DLG2: variants seen among roughly 807,000 people sequenced by gnomAD.
DLG2 encodes the protein discs large MAGUK scaffold protein 2.
DLG2 carries 45 observed loss-of-function variants against 132.5 expected under a neutral mutation model. The observed-to-expected ratio is 0.34, with a 90% CI of 0.27 to 0.44. The LOEUF (loss-of-function observed/expected upper bound fraction) is 0.44, where lower values mean the gene tolerates loss of function less well. Ranked by LOEUF, DLG2 falls within the 20% of genes least tolerant of loss-of-function variation. The pLI, the probability that DLG2 is intolerant of heterozygous loss-of-function variation, is 1.00. For missense variants in DLG2, 1,045 were observed against 1,196.9 expected, an observed-to-expected ratio of 0.87 and a Z score of 1.87; for synonymous variants, 424 against 419.6, an observed-to-expected ratio of 1.01 and a Z score of -0.13.
chr11:84,424,272 A>T (rs114945242), intron 7 of DLG2, among the ~76,000 whole-genome samples: 1 of 152,220 alleles, frequency 6.6e-6, no homozygotes, highest in African/African-American at 2.4e-5. Context: ...GTGCTTGCCC[A>T]TCCATGCTGA....
At chr11:84,740,378 T>C (rs1324474012) in intron 6 of DLG2, among the ~76,000 whole-genome samples, 1 of 152,120 alleles carries the variant, frequency 6.6e-6, no homozygotes, top group Non-Finnish European at 1.5e-5. Flanking sequence ...CAATCCTTAC[T>C]ACAGAAGAAC....
intron 6 of DLG2, among the ~76,000 whole-genome samples, chr11:85,060,411 ATG>A (rs1478336271): frequency 1.3e-5 from 2 of 150,428 alleles, no homozygotes; most frequent in South Asian, 4.2e-4. Flanking sequence ...AACATTATAT[ATG>A]TGTGTGTATA....
chr11:84,804,101 T>C (rs1179615040), intron 6 of DLG2, among the ~76,000 whole-genome samples: 8 of 152,224 alleles, frequency 5.3e-5, no homozygotes, highest in Non-Finnish European at 1.2e-4. Context: ...ATACAGTGGT[T>C]CACACACAGT....
intron 7 of DLG2, among the ~76,000 whole-genome samples, chr11:84,415,001 G>A (rs1052883875): frequency 6.6e-6 from 1 of 152,102 alleles, no homozygotes; most frequent in Non-Finnish European, 1.5e-5. Flanking sequence ...AAATGTGAAG[G>A]TCGTTCTCCA....
chr11:83,632,956 A>C, intron 19 of DLG2: 1 of 447,294 alleles, frequency 2.2e-6, no homozygotes, highest in Non-Finnish European at 4.0e-6. Flanking sequence ...TTTTTATTGC[A>C]ACCTATGCTG....
intron 6 of DLG2, among the ~76,000 whole-genome samples, chr11:84,656,145 G>A (rs569309956): frequency 6.6e-6 from 1 of 152,306 alleles, no homozygotes; most frequent in African/African-American, 2.4e-5. Flanking sequence ...TCCTGCTAGA[G>A]AGAGGACTGT....
At chr11:85,448,423 C>T (rs1169461193) in intron 3 of DLG2, among the ~76,000 whole-genome samples, 2 of 152,010 alleles carry the variant, frequency 1.3e-5, no homozygotes, top group African/African-American at 4.8e-5. Context: ...AAAAATCTGC[C>T]CTGACATTCA....
At position 83,596,898 on chromosome 11, in the gene DLG2, A is replaced by C. The variant is rs918022748; in HGVS notation, c.1940+36313T>G. ...TACATTCTGAGAATCGACCTAATCTAAAATTAATTGTTCTCCTCTCTCAGT... is the reference window on the plus strand; with the variant it reads ...TACATTCTGAGAATCGACCTAATCTCAAATTAATTGTTCTCCTCTCTCAGT... On this transcript the variant is annotated intron_variant, in intron 19 of 27. Coordinates refer to ENST00000376104, the MANE Select transcript of DLG2 (RefSeq NM_001142699.3). Among the ~76,000 whole-genome samples, 6 of 152,118 alleles carry C rather than the reference A, an allele frequency of 3.9e-5. No homozygotes were observed. In the East Asian group the frequency reaches 1.2e-3, roughly 29 times the overall value.
intron 6 of DLG2, among the ~76,000 whole-genome samples, chr11:84,643,405 G>A (rs1308821110): frequency 6.6e-6 from 1 of 152,180 alleles, no homozygotes; most frequent in African/African-American, 2.4e-5. Flanking sequence ...ATGGGATGTA[G>A]AATCTGATGA....
chr11:83,970,624 G>C (rs1006761013), intron 12 of DLG2, among the ~76,000 whole-genome samples: 2 of 152,180 alleles, frequency 1.3e-5, no homozygotes, highest in Non-Finnish European at 2.9e-5. Flanking sequence ...GGGGAGACTT[G>C]TTTAACCTTG....
intron 6 of DLG2, among the ~76,000 whole-genome samples, chr11:84,740,092 G>A (rs569819573): frequency 6.6e-6 from 1 of 151,828 alleles, no homozygotes; most frequent in Non-Finnish European, 1.5e-5. Flanking sequence ...GCATCCACTA[G>A]ATAAAAGAAG....
chr11:83,775,270 T>C (rs1307662030), intron 18 of DLG2, among the ~76,000 whole-genome samples: 2 of 152,226 alleles, frequency 1.3e-5, no homozygotes, highest in African/African-American at 4.8e-5. Flanking sequence ...ATTTTATTTG[T>C]TTCCTCTTCA....
At chr11:84,725,123 T>C (rs766495602) in intron 6 of DLG2, among the ~76,000 whole-genome samples, 26 of 152,090 alleles carry the variant, frequency 1.7e-4, no homozygotes, top group Non-Finnish European at 3.1e-4. Context: ...CTTATTCGAG[T>C]GACAGAATTG....
intron 3 of DLG2, among the ~76,000 whole-genome samples, chr11:85,351,517 T>G (rs2083284842): frequency 6.6e-6 from 1 of 152,216 alleles, no homozygotes; most frequent in Admixed American, 6.5e-5. Flanking sequence ...TTCCAGTTTT[T>G]GCCCATTCAG....
At chr11:85,341,295 T>G (rs575631641) in intron 3 of DLG2, among the ~76,000 whole-genome samples, 1 of 152,122 alleles carries the variant, frequency 6.6e-6, no homozygotes, top group Non-Finnish European at 1.5e-5. Context: ...ATTTTTTTTG[T>G]ATTTTTAGTA....
At chr11:84,619,147 T>C (rs371586700) in intron 6 of DLG2, among the ~76,000 whole-genome samples, 76 of 151,986 alleles carry the variant, frequency 5.0e-4, no homozygotes, top group Non-Finnish European at 9.3e-4. Flanking sequence ...TAGATTAAAA[T>C]GAATTTCAGA....
At chr11:83,820,001 GAATTCATTGAGTTATATTTTA>G in intron 17 of DLG2, among the ~76,000 whole-genome samples, 1 of 152,176 alleles carries the variant, frequency 6.6e-6, no homozygotes. Context: ...AATTCCACTT[GAATTCATTGAGTTATATTTTA>G]AAAAGCTATC....
At chr11:85,475,378 TAATATAACCTTGAAACCA>T (rs1275290651) in intron 3 of DLG2, among the ~76,000 whole-genome samples, 3 of 152,008 alleles carry the variant, frequency 2.0e-5, no homozygotes, top group Non-Finnish European at 4.4e-5. Context: ...TGTATTATCC[TAATATAACCTTGAAACCA>T]AAATCAACCA....
chr11:85,602,825 T>C (rs2080261415), intron 2 of DLG2, among the ~76,000 whole-genome samples: 1 of 152,208 alleles, frequency 6.6e-6, no homozygotes, highest in Non-Finnish European at 1.5e-5. Context: ...ATGGCCTCTA[T>C]ACTTGTGATT....
Sources: gnomAD v4.1 joint callset for allele counts (sites outside exome capture counted in the v4.1 genomes callset) on GRCh38, gnomAD v4.1.1 for gene constraint, MANE v1.5 for transcripts, NCBI Gene and HGNC (gene_info 2026-07-23, HGNC 2026-07-21) for gene names.